Variants in SLC3A2 observed in about 807,000 individuals in gnomAD.
The protein encoded by SLC3A2 is amino acid transporter heavy chain SLC3A2.
In SLC3A2, 32 loss-of-function variants were observed where a neutral mutation model predicts 48.5. The observed-to-expected ratio is 0.66, with a 90% CI of 0.50 to 0.89. The LOEUF is 0.89. Among genes scored for constraint, SLC3A2 ranks in the 40% least tolerant of loss-of-function variants. SLC3A2 has a pLI of 0.00. For missense variants in SLC3A2, 587 were observed against 680.7 expected (o/e 0.86, Z 1.53); for synonymous variants, 277 against 288.8 (o/e 0.96, Z 0.41).
Position 62,885,516 on chromosome 11 carries a change from C to T in SLC3A2, c.1051C>T (p.Leu351Phe). The T allele has an allele frequency of 6.2e-7, 1 of 1,614,196 alleles. No homozygotes were observed. The highest frequency in any genetic ancestry group is 8.5e-7 in the Non-Finnish European group (1 of 1,180,026). ...TSFLPAQLLR[L>F]YQLMLFTLPG... ...CTTCTTGCCGGCTCAACTTCTCCGA[C>T]TCTACCAGCTGATGCTCTTCACCCT... is the stretch of plus-strand genomic sequence containing the variant. Residue 351 changes from leucine (L) to phenylalanine (F), a missense_variant, in exon 7 of 9, where the codon CTC becomes TTC. By Grantham distance (22) the Leu-to-Phe change is conservative (BLOSUM62 0). Transcript: ENST00000338663.
chr11:62,881,068 T>C lies in SLC3A2; in HGVS notation c.45T>C (p.Asn15=), dbSNP rs1590632058. ...TGGATATGAAGGAGGTGGAGCTGAA[T>C]GAGTTAGAGCCCGAGAAGCAGCCGA... ...TEVDMKEVEL[N]ELEPEKQPMN... is the part of the protein sequence containing the mutation. Residue 15 remains asparagine, a synonymous_variant, in exon 1 of 9, where the codon AAT becomes AAC. Coordinates refer to ENST00000338663, the MANE Select transcript of SLC3A2 (RefSeq NM_001013251.3). This position sits in a 1 kb window ranked among gnomAD's most constrained non-coding sequence, Gnocchi z 4.0. 3 of 1,603,406 alleles carry C rather than the reference T, an allele frequency of 1.9e-6. No homozygotes were observed. The highest frequency in any genetic ancestry group is 2.6e-6 in the Non-Finnish European group (3 of 1,173,834).
rs199530446 is a variant in SLC3A2 at position 62,873,063 on chromosome 11, C to CT, written c.113-7954dup. Among the ~76,000 whole-genome samples, 124 of 152,072 alleles carry CT rather than the reference C, an allele frequency of 8.2e-4. 7 individuals are homozygous for CT. The East Asian group carries it at 0.023, about 29-fold the overall frequency. On this transcript the variant is annotated intron_variant, in intron 1 of 9. Transcript: ENST00000377889. ...TTCAGACAGGGTCTCGCTCTGTGGC[C>CT]TTGGCTGGAGTGCAGTGGTGTGATC...
rs2085704232 is a variant in SLC3A2 at position 62,885,674 on chromosome 11, A to T, written c.1143+66A>T. On this transcript the variant is annotated intron_variant, in intron 7 of 8. Coordinates refer to ENST00000338663, the MANE Select transcript of SLC3A2 (RefSeq NM_001013251.3). Reference sequence around the variant, plus strand: ...CCATCTTACAATGATGATTCTGGGGATGGCGGCACATAGACGTGAGCCTTG... The same window carrying T: ...CCATCTTACAATGATGATTCTGGGGTTGGCGGCACATAGACGTGAGCCTTG... The T allele has an allele frequency of 3.2e-6, 5 of 1,562,498 alleles. No individual in the cohort carries two copies. The Admixed American group carries it at 5.1e-5, about 16-fold the overall frequency.
rs149577528 is a variant in SLC3A2, at chr11:62,870,426, C to T, written c.113-10593C>T. Among the ~76,000 whole-genome samples the T allele has an allele frequency of 2.3e-3, 352 of 150,574 alleles. 3 individuals carry two copies. Among genetic ancestry groups the T allele is most frequent in the African/African-American group, 7.8e-3 (320 of 40,978 alleles). ...GTCTTGATCTCGTGACCTTGTGATC[C>T]GCCCGCCTTGGCTTCCCAAAGTACT... On this transcript the variant is annotated intron_variant, in intron 1 of 9. Coordinates refer to the SLC3A2 transcript ENST00000377889.
chr11:62,881,574 C>A lies in SLC3A2; in HGVS notation c.424+127C>A. On this transcript the variant is annotated intron_variant, in intron 1 of 8. Coordinates refer to ENST00000338663, the MANE Select transcript of SLC3A2 (RefSeq NM_001013251.3). The surrounding 1 kb of genome is among the most constrained non-coding windows in gnomAD (Gnocchi z 4.0). The stretch of plus-strand genomic sequence containing the variant: ...CCATCCCGTACCGACGACTGTTCCC[C>A]CTTCCCCCACCCCCTCCCCGGCACA... 1 of 1,256,512 alleles carries A rather than the reference C, an allele frequency of 8.0e-7. No homozygotes were observed. Among genetic ancestry groups the A allele is most frequent in the Non-Finnish European group, 1.1e-6 (1 of 935,362 alleles). 77.8% of individuals were successfully genotyped at this position (1,256,512 alleles called of 1,614,324 possible).
chr11:62,885,864 G>A (rs995551454), intron 7 of SLC3A2, among the ~76,000 whole-genome samples: 7 of 152,196 alleles, frequency 4.6e-5, no homozygotes, highest in Non-Finnish European at 8.8e-5. Context: ...CCTGGTACCT[G>A]GCAGATGTTT....
At chr11:62,863,816 C>A (rs1323732840) in intron 1 of SLC3A2, among the ~76,000 whole-genome samples, 1 of 152,196 alleles carries the variant, frequency 6.6e-6, no homozygotes, top group Non-Finnish European at 1.5e-5. Context: ...TCAAAAGGCA[C>A]CTACTTCCCT....
At chr11:62,875,893 C>T (rs955157161) in intron 1 of SLC3A2, among the ~76,000 whole-genome samples, 19 of 152,272 alleles carry the variant, frequency 1.2e-4, no homozygotes, top group African/African-American at 4.3e-4. Flanking sequence ...GATAGGGTCA[C>T]CCTGTCAGCC....
chr11:62,865,231 A>G (rs1272411946), intron 1 of SLC3A2, among the ~76,000 whole-genome samples: 1 of 152,066 alleles, frequency 6.6e-6, no homozygotes, highest in East Asian at 1.9e-4. Flanking sequence ...GGATTTGTGT[A>G]CCTCTTCAGT....
chr11:62,879,611 T>C (rs1316609326), upstream of SLC3A2, among the ~76,000 whole-genome samples: 1 of 152,130 alleles, frequency 6.6e-6, no homozygotes, highest in African/African-American at 2.4e-5. Context: ...CAGAGGGGAC[T>C]AGCAGAGGGT....
chr11:62,858,018 C>A (rs1173949028), intron 1 of SLC3A2, among the ~76,000 whole-genome samples: 1 of 151,382 alleles, frequency 6.6e-6, no homozygotes, highest in East Asian at 1.9e-4. Flanking sequence ...ACCTTGAATG[C>A]AAAGCTAAAT....
chr11:62,888,114 C>A, intron 7 of SLC3A2, 21 bp from the exon 8 acceptor site: 1 of 1,609,748 alleles, frequency 6.2e-7, no homozygotes, highest in South Asian at 1.1e-5. Context: ...TTTTTAAAGT[C>A]CTATTTTCTC....
At chr11:62,867,658 A>G (rs898634608) in intron 1 of SLC3A2, among the ~76,000 whole-genome samples, 4 of 151,926 alleles carry the variant, frequency 2.6e-5, no homozygotes, top group Non-Finnish European at 5.9e-5. Flanking sequence ...TTTAATTTTT[A>G]AAATTAAGAT....
At position 62,884,461 on chromosome 11, in the gene SLC3A2, C is replaced by T. The variant is rs1293032743; in HGVS notation, c.695C>T (p.Ala232Val). The T allele has an allele frequency of 1.2e-6, 2 of 1,614,192 alleles. No individual in the cohort carries two copies. Among genetic ancestry groups the T allele is most frequent in the African/African-American group, 2.7e-5 (2 of 75,048 alleles). Reference sequence around the variant, plus strand: ...TTATTCTTCTGCCCCCTATAGGATGCTCTGGAGTTTTGGCTGCAAGCTGGC... The same window carrying T: ...TTATTCTTCTGCCCCCTATAGGATGTTCTGGAGTTTTGGCTGCAAGCTGGC... ...VDTVATKVKD[A>V]LEFWLQAGVD... Residue 232 changes from alanine (A) to valine (V), a missense_variant, in exon 4 of 9, where the codon GCT (alanine) becomes GTT (valine). Ala to Val is a moderately conservative substitution (Grantham distance 64). This residue lies in a region of SLC3A2 where 409 missense variants were observed against 446.7 expected (regional missense o/e 0.92). Coordinates refer to ENST00000338663, the MANE Select transcript of SLC3A2 (RefSeq NM_001013251.3).
chr11:62,873,441 A>G (rs1001552481), intron 1 of SLC3A2, among the ~76,000 whole-genome samples: 2 of 151,528 alleles, frequency 1.3e-5, no homozygotes, highest in African/African-American at 4.9e-5. Context: ...GTGAGCCGAG[A>G]TCGCACCACT....
intron 1 of SLC3A2, among the ~76,000 whole-genome samples, chr11:62,868,365 C>CTTTTT (rs1184700101): frequency 2.3e-5 from 3 of 132,710 alleles, no homozygotes; most frequent in Admixed American, 7.7e-5. Context: ...TATTTTCATT[C>CTTTTT]TTTTTTTTTT....
At chr11:62,884,875 A>G (rs2085689070) in intron 5 of SLC3A2, among the ~76,000 whole-genome samples, 185 bp downstream of exon 5, 1 of 109,184 alleles carries the variant, frequency 9.2e-6, no homozygotes, top group African/African-American at 3.6e-5. Context: ...CTTTTTGCCC[A>G]GGCTGGGGTG....
At chr11:62,882,373 A>G (rs949126207) in intron 2 of SLC3A2, 4 of 336,658 alleles carry the variant, frequency 1.2e-5, no homozygotes, top group African/African-American at 6.4e-5. Context: ...GGGGGGGGGG[A>G]ATCCCAAATA....
chr11:62,858,301 C>G (rs551952363), intron 1 of SLC3A2, among the ~76,000 whole-genome samples: 1 of 152,302 alleles, frequency 6.6e-6, no homozygotes, highest in South Asian at 2.1e-4. Context: ...CTGGGCAGCC[C>G]TTTCACAGCT....
Sources: allele counts gnomAD v4.1 joint callset (sites outside exome capture counted in the v4.1 genomes callset), GRCh38; gene constraint gnomAD v4.1.1; regional missense constraint gnomAD v4.1.1; non-coding constraint Gnocchi (gnomAD v3.1); transcripts MANE v1.5; gene names NCBI Gene and HGNC (gene_info 2026-07-23, HGNC 2026-07-21).